Variants in SMCO4 observed in about 807,000 individuals in gnomAD.
SMCO4 encodes single-pass membrane and coiled-coil domain-containing protein 4.
In SMCO4, 4 loss-of-function variants were observed where a neutral mutation model predicts 3.6. The observed-to-expected ratio is 1.11, with a 90% CI of 0.54 to 2.53. The LOEUF (loss-of-function observed/expected upper bound fraction) is 2.53. Ranked by LOEUF, SMCO4 falls within the 30% of genes most tolerant of loss-of-function variation. The pLI is 0.02. For missense variants in SMCO4, 70 were observed against 80.8 expected, an observed-to-expected ratio of 0.87 and a Z score of 0.51; for synonymous variants, 36 against 35.3, an observed-to-expected ratio of 1.02 and a Z score of -0.07.
chr11:93,514,451 A>C (rs1948991398), intron 1 of SMCO4, among the ~76,000 whole-genome samples: 1 of 138,576 alleles, frequency 7.2e-6, no homozygotes, highest in Non-Finnish European at 1.5e-5. Flanking sequence ...AGATCACCCT[A>C]AGTGTGTAAT....
chr11:93,509,075 A>G (rs949905795), intron 1 of SMCO4, among the ~76,000 whole-genome samples: 2 of 152,102 alleles, frequency 1.3e-5, no homozygotes, highest in African/African-American at 2.4e-5. Context: ...AATTTACTTC[A>G]GCCCAGGAGT....
chr11:93,534,630 C>T lies in SMCO4; in HGVS notation c.-154+8646G>A, dbSNP rs543085253. On this transcript the variant is annotated intron_variant, in intron 1 of 2. Coordinates refer to ENST00000298966, the MANE Select transcript of SMCO4 (RefSeq NM_020179.3). Reference sequence around the variant, plus strand: ...TAAGGTGCTGAATGGGAGCTGGGTCCAGTGTGGCTCAACTCTGCAGTCCCT... The same window carrying T: ...TAAGGTGCTGAATGGGAGCTGGGTCTAGTGTGGCTCAACTCTGCAGTCCCT... Among the ~76,000 whole-genome samples, 50 of 152,300 alleles carry T rather than the reference C, an allele frequency of 3.3e-4. 1 individual carries two copies. In the South Asian group the frequency reaches 0.01, roughly 31 times the overall value.
Position 93,501,983 on chromosome 11 carries a change from C to T in SMCO4, c.-153-2635G>A, listed in dbSNP as rs186341994. 1.9e-3 allele frequency among the ~76,000 whole-genome samples: 285 copies of T among 151,970 alleles called. 3 individuals are homozygous for T. The highest frequency in any genetic ancestry group is 6.7e-3 in the African/African-American group (279 of 41,442). ...GAGGCCTGGGCTGCACAGGACCAGA[C>T]TGCAATGGGCACCACCAAGAAAGGA... is the stretch of plus-strand genomic sequence containing the variant. On this transcript the variant is annotated intron_variant, in intron 1 of 2. Coordinates refer to ENST00000298966, the MANE Select transcript of SMCO4 (RefSeq NM_020179.3).
At chr11:93,526,953 A>G (rs1404825864) in intron 1 of SMCO4, among the ~76,000 whole-genome samples, 2 of 152,124 alleles carry the variant, frequency 1.3e-5, no homozygotes, top group East Asian at 3.9e-4. Context: ...TGCCCTTTCC[A>G]CTGCACTGCT....
intron 1 of SMCO4, among the ~76,000 whole-genome samples, chr11:93,526,491 G>C (rs987621972): frequency 2.6e-5 from 4 of 152,128 alleles, no homozygotes; most frequent in African/African-American, 9.7e-5. Flanking sequence ...TTCAGCACTA[G>C]GCAGTACAAC....
At chr11:93,498,925 T>C (rs903888932) in intron 2 of SMCO4, among the ~76,000 whole-genome samples, 2 of 152,044 alleles carry the variant, frequency 1.3e-5, no homozygotes, top group Non-Finnish European at 2.9e-5. Flanking sequence ...GCAACGAGAA[T>C]AAAGCGTGGA....
In SMCO4 at chr11:93,518,140, C is replaced by T. The variant is rs188047774; in HGVS notation, c.-153-18792G>A. Among the ~76,000 whole-genome samples, 13 of 152,286 alleles carry T rather than the reference C, an allele frequency of 8.5e-5. No individual in the cohort carries two copies. In the East Asian group the frequency reaches 2.3e-3, roughly 27 times the overall value. ...CCAGCCCCTGGAAACCATTACTTTGCTTTTTCTCTATCTATGGATTTACCT... is the reference window on the plus strand; with the variant it reads ...CCAGCCCCTGGAAACCATTACTTTGTTTTTTCTCTATCTATGGATTTACCT... On this transcript the variant is annotated intron_variant, in intron 1 of 2. Transcript: ENST00000298966.
intron 2 of SMCO4, among the ~76,000 whole-genome samples, chr11:93,489,822 T>C (rs1160023684): frequency 1.5e-5 from 2 of 131,928 alleles, no homozygotes; most frequent in East Asian, 2.6e-4. Flanking sequence ...CAATGCAGAG[T>C]TCAAGATCAG....
upstream of SMCO4, among the ~76,000 whole-genome samples, chr11:93,546,461 G>C (rs577349916): frequency 1.3e-5 from 2 of 152,178 alleles, no homozygotes; most frequent in African/African-American, 4.8e-5. Context: ...CCACTTGATT[G>C]TAAGCTCCTT....
At chr11:93,512,058 G>A (rs549015343) in intron 1 of SMCO4, among the ~76,000 whole-genome samples, 1 of 152,262 alleles carries the variant, frequency 6.6e-6, no homozygotes, top group East Asian at 1.9e-4. Context: ...TTAGAAGTTT[G>A]GTGATATTTC....
At chr11:93,543,005 C>T (rs1228758602) in intron 1 of SMCO4, among the ~76,000 whole-genome samples, 4 of 151,930 alleles carry the variant, frequency 2.6e-5, no homozygotes, top group Non-Finnish European at 5.9e-5. Flanking sequence ...AGCCCCCGCC[C>T]CGCAGCAACC....
chr11:93,488,120 T>C (rs1172853474), intron 2 of SMCO4, among the ~76,000 whole-genome samples: 1 of 152,116 alleles, frequency 6.6e-6, no homozygotes, highest in Non-Finnish European at 1.5e-5. Flanking sequence ...GAGTAACTGA[T>C]CAGGGAAGGC....
At chr11:93,534,800 A>G (rs1313610978) in intron 1 of SMCO4, among the ~76,000 whole-genome samples, 1 of 152,170 alleles carries the variant, frequency 6.6e-6, no homozygotes, top group East Asian at 1.9e-4. Context: ...GGGCCCCGAG[A>G]TCAGCCCATT....
intron 2 of SMCO4, among the ~76,000 whole-genome samples, chr11:93,480,634 A>G (rs1948581146): frequency 6.6e-6 from 1 of 152,198 alleles, no homozygotes; most frequent in Admixed American, 6.5e-5. Context: ...AAGAGCACTG[A>G]ATACCAATGT....
intron 1 of SMCO4, among the ~76,000 whole-genome samples, chr11:93,521,988 TATTTC>T (rs1477253563): frequency 6.6e-6 from 1 of 152,258 alleles, no homozygotes; most frequent in Non-Finnish European, 1.5e-5. Flanking sequence ...TTCACTGTTC[TATTTC>T]ATTTAAAAAT....
chr11:93,483,651 G>A (rs1295504405), intron 2 of SMCO4, among the ~76,000 whole-genome samples: 1 of 152,196 alleles, frequency 6.6e-6, no homozygotes, highest in Non-Finnish European at 1.5e-5. Context: ...GTCTCTGTAT[G>A]TGATGAACGC....
chr11:93,503,675 T>C (rs1002171435), intron 1 of SMCO4, among the ~76,000 whole-genome samples: 1 of 152,146 alleles, frequency 6.6e-6, no homozygotes, highest in African/African-American at 2.4e-5. Context: ...CTGAGGCAGA[T>C]ATACGAATGA....
At chr11:93,515,486 C>T (rs1453030343) in intron 1 of SMCO4, among the ~76,000 whole-genome samples, 2 of 152,156 alleles carry the variant, frequency 1.3e-5, no homozygotes, top group Non-Finnish European at 2.9e-5. Context: ...AATGAGTTAA[C>T]GAAGGTCATG....
chr11:93,506,706 G>C (rs1261915943), intron 1 of SMCO4, among the ~76,000 whole-genome samples: 1 of 152,166 alleles, frequency 6.6e-6, no homozygotes, highest in Non-Finnish European at 1.5e-5. Flanking sequence ...CTCCCAAAGT[G>C]CTGGGATTAC....
Sources: allele counts gnomAD v4.1 joint callset (sites outside exome capture counted in the v4.1 genomes callset), GRCh38; gene constraint gnomAD v4.1.1; transcripts MANE v1.5; gene names NCBI Gene and HGNC (gene_info 2026-07-23, HGNC 2026-07-21).